Variants in CDKL1 observed in about 807,000 individuals in gnomAD.
CDKL1 encodes cyclin-dependent kinase-like 1.
CDKL1 carries 41 observed loss-of-function variants against 42.0 expected under a neutral mutation model. That is an observed-to-expected ratio of 0.98 (90% CI 0.76 to 1.27). The LOEUF is 1.27. Among genes scored for constraint, CDKL1 ranks in the 50% most tolerant of loss-of-function variants. CDKL1 has a pLI of 0.00. For synonymous variants in CDKL1, 153 were observed against 158.6 expected (o/e 0.96, Z 0.26); for missense variants, 394 against 428.4 (o/e 0.92, Z 0.71).
chr14:50,396,975 C>A, upstream of CDKL1: 1 of 801,322 alleles, frequency 1.2e-6, no homozygotes, highest in Non-Finnish European at 1.7e-6. Context: ...TTCCCACCCC[C>A]GGCCCGGCCC....
chr14:50,387,756 A>T (rs2035130195), intron 2 of CDKL1, among the ~76,000 whole-genome samples: 1 of 152,208 alleles, frequency 6.6e-6, no homozygotes, highest in South Asian at 2.1e-4. Flanking sequence ...CAGCTAAAAC[A>T]ATTAATAGAC....
At chr14:50,342,411 T>G (rs536340794) in intron 4 of CDKL1, 189 bp from the exon 5 acceptor site, 5 of 1,348,628 alleles carry the variant, frequency 3.7e-6, no homozygotes, top group Non-Finnish European at 4.8e-6. Context: ...CATCCCAAAT[T>G]CCTAAAAGGC....
intron 4 of CDKL1, 92 bp downstream of exon 4, chr14:50,344,894 T>C: frequency 1.9e-6 from 2 of 1,068,550 alleles, no homozygotes; most frequent in Non-Finnish European, 2.8e-6. Context: ...TAAAAAATTT[T>C]ACCCACAGAA....
chr14:50,333,979 A>AT (rs796566460), intron 8 of CDKL1: 5 of 151,826 alleles, frequency 3.3e-5, no homozygotes, highest in Middle Eastern at 3.4e-3. Flanking sequence ...GCAGCTAAGG[A>AT]TTTTCTGAAG....
At chr14:50,345,122 A>G in intron 3 of CDKL1, 64 bp from the exon 4 acceptor site, 1 of 1,474,226 alleles carries the variant, frequency 6.8e-7, no homozygotes. Context: ...GCTCAAGAAA[A>G]GAAAAAATAA....
At chr14:50,359,246 A>C (rs539360243) in intron 2 of CDKL1, 97 bp from the exon 3 acceptor site, 31 of 1,394,696 alleles carry the variant, frequency 2.2e-5, no homozygotes, top group Non-Finnish European at 2.1e-5. Flanking sequence ...GTCCTTTAAG[A>C]ATTTCATTCT....
chr14:50,378,073 T>G (rs2034785771), intron 2 of CDKL1: 1 of 1,071,258 alleles, frequency 9.3e-7, no homozygotes, highest in South Asian at 1.5e-5. Flanking sequence ...TAGGGACATC[T>G]ACGAGAAAGA....
intron 3 of CDKL1, among the ~76,000 whole-genome samples, chr14:50,355,609 A>C (rs930935322): frequency 6.6e-6 from 1 of 152,250 alleles, no homozygotes; most frequent in Non-Finnish European, 1.5e-5. Context: ...CCAAATATGC[A>C]GCTAGAAGAC....
intron 7 of CDKL1, among the ~76,000 whole-genome samples, chr14:50,337,438 A>G (rs1041187470): frequency 6.6e-6 from 1 of 151,634 alleles, no homozygotes; most frequent in African/African-American, 2.4e-5. Context: ...TGTAACCTCA[A>G]ACTCCTGGGC....
intron 2 of CDKL1, among the ~76,000 whole-genome samples, chr14:50,381,165 G>T (rs576475368): frequency 1.3e-5 from 2 of 152,292 alleles, no homozygotes; most frequent in Admixed American, 1.3e-4. Flanking sequence ...TGCACAGCAG[G>T]TCAAAGCTGC....
intron 3 of CDKL1, among the ~76,000 whole-genome samples, chr14:50,347,901 A>G (rs534818479): frequency 3.3e-5 from 5 of 152,330 alleles, no homozygotes; most frequent in African/African-American, 1.2e-4. Context: ...CATCAAGTGA[A>G]TAAGACAACA....
At chr14:50,376,675 A>C (rs1254687774) in intron 2 of CDKL1, among the ~76,000 whole-genome samples, 1 of 152,220 alleles carries the variant, frequency 6.6e-6, no homozygotes, top group Non-Finnish European at 1.5e-5. Context: ...GAAGTACATG[A>C]AAAAATATTT....
chr14:50,349,965 C>T (rs979735245), intron 3 of CDKL1, among the ~76,000 whole-genome samples: 2 of 152,194 alleles, frequency 1.3e-5, no homozygotes, highest in Non-Finnish European at 2.9e-5. Flanking sequence ...GATGGGGTTT[C>T]GCCACGTTGG....
chr14:50,336,254 G>A (rs10136242), intron 7 of CDKL1: 203,825 of 1,272,064 alleles, frequency 0.16, 17,492 homozygotes, highest in Admixed American at 0.27. Context: ...TGCAGCCCCC[G>A]CACTGCCTCT....
At chr14:50,385,158 A>G (rs1406000655) in intron 2 of CDKL1, among the ~76,000 whole-genome samples, 1 of 151,648 alleles carries the variant, frequency 6.6e-6, no homozygotes, top group East Asian at 1.9e-4. Context: ...CAGTTTCAAA[A>G]TATCACCCCA....
chr14:50,345,825 G>C (rs1289716309), intron 3 of CDKL1, among the ~76,000 whole-genome samples: 1 of 152,168 alleles, frequency 6.6e-6, no homozygotes, highest in Non-Finnish European at 1.5e-5. Context: ...TCAAGCCACT[G>C]CTCCCAGTAC....
At chr14:50,333,824 C>T (rs2033102834) in intron 8 of CDKL1, 1 of 151,724 alleles carries the variant, frequency 6.6e-6, no homozygotes, top group Non-Finnish European at 1.5e-5. Flanking sequence ...GGGACATTGA[C>T]TGTAACTTGC....
At chr14:50,346,753 C>T (rs896548997) in intron 3 of CDKL1, among the ~76,000 whole-genome samples, 12 of 147,004 alleles carry the variant, frequency 8.2e-5, no homozygotes, top group African/African-American at 2.8e-4. Context: ...CAGGTTCAAG[C>T]GATTCTCCTG....
rs900667154 is a variant in CDKL1, at chr14:50,396,804, C to T, written c.-462+20G>A. The T allele has an allele frequency of 1.5e-4, 25 of 166,266 alleles. No homozygotes were observed. The highest frequency in any genetic ancestry group is 3.0e-4 in the Non-Finnish European group (24 of 79,040). 10.3% of individuals were successfully genotyped at this position (166,266 alleles called of 1,614,324 possible). A position where few individuals can be genotyped will look rare whatever the true frequency, so the allele number is the denominator to read the frequency against. On this transcript the variant is annotated intron_variant, in intron 1 of 9. Coordinates refer to ENST00000395834, the MANE Select transcript of CDKL1 (RefSeq NM_004196.7). ...GTTGGCCAGGGACGGCCCGCGCCTC[C>T]TTGCCCGCCCGGGACTCACGGCGCC...
Sources: allele counts gnomAD v4.1 joint callset (sites outside exome capture counted in the v4.1 genomes callset), GRCh38; gene constraint gnomAD v4.1.1; transcripts MANE v1.5; gene names NCBI Gene and HGNC (gene_info 2026-07-23, HGNC 2026-07-21).